VPS33A: variants seen among roughly 807,000 people sequenced by gnomAD.
VPS33A encodes VPS33A core subunit of CORVET and HOPS complexes.
A neutral mutation model predicts 71.8 loss-of-function variants in VPS33A; 32 were observed. That is an observed-to-expected ratio of 0.45 (90% CI 0.34 to 0.60). The LOEUF (loss-of-function observed/expected upper bound fraction) is 0.60, where lower values mean the gene tolerates loss of function less well. Among genes scored for constraint, VPS33A ranks in the 20% least tolerant of loss-of-function variants. VPS33A has a pLI of 0.02. For synonymous variants in VPS33A, 311 were observed against 292.7 expected (o/e 1.06, Z -0.64); for missense variants, 625 against 748.5 (o/e 0.84, Z 1.92).
intron 11 of VPS33A, 33 bp from the exon 12 acceptor site, chr12:122,233,001 G>C: frequency 1.3e-6 from 2 of 1,547,398 alleles, no homozygotes. Context: ...AAACCCTATA[G>C]ATACAGAGAC....
Position 122,265,179 on chromosome 12 carries a change from A to C in VPS33A, c.103-980T>G, listed in dbSNP as rs1228023258. Among the ~76,000 whole-genome samples the C allele has an allele frequency of 5.3e-5, 8 of 152,130 alleles. No homozygotes were observed. The East Asian group carries it at 1.6e-3, about 29-fold the overall frequency. On this transcript the variant is annotated intron_variant, in intron 1 of 12. Transcript: ENST00000267199. The stretch of plus-strand genomic sequence containing the variant: ...AGCGAGCTGCCTGCCGTGGCCTCCC[A>C]AAGTACTGGGATTACACCGCACTTC...
rs1592921665 is a variant in VPS33A, at chr12:122,249,652, C to T, written c.775+219G>A. 8 of 377,922 alleles carry T rather than the reference C, an allele frequency of 2.1e-5. No homozygotes were observed. In the East Asian group the frequency reaches 3.2e-4, roughly 15 times the overall value. 23.4% of individuals were successfully genotyped at this position (377,922 alleles called of 1,614,324 possible). A position where few individuals can be genotyped will look rare whatever the true frequency, so the allele number is the denominator to read the frequency against. On this transcript the variant is annotated intron_variant, in intron 6 of 12. Coordinates refer to ENST00000267199, the MANE Select transcript of VPS33A (RefSeq NM_022916.6). ...TTTTTTGGAATGATTCCTCAAGGCA[C>T]ATTCTTAGGCTTTGGGTTTTCTTTG...
chr12:122,250,397 T>C (rs2136138179), intron 5 of VPS33A, among the ~76,000 whole-genome samples: 1 of 152,324 alleles, frequency 6.6e-6, no homozygotes, highest in Admixed American at 6.5e-5. Flanking sequence ...GGTCTCAACG[T>C]TTCTGTCAAT....
intron 10 of VPS33A, among the ~76,000 whole-genome samples, chr12:122,238,202 AT>A (rs879490216): frequency 2.0e-5 from 3 of 151,836 alleles, no homozygotes; most frequent in Admixed American, 6.6e-5. Context: ...TGTAATTTTT[AT>A]TTTTTTTAAT....
At chr12:122,243,261 T>G (rs2136130989) in intron 7 of VPS33A, among the ~76,000 whole-genome samples, 1 of 152,326 alleles carries the variant, frequency 6.6e-6, no homozygotes, top group South Asian at 2.1e-4. Context: ...GTCTTTTATT[T>G]GATGTTGAGA....
rs182515291 is a variant in VPS33A at position 122,239,300 on chromosome 12, T to A, written c.1165-576A>T. 1.2e-3 allele frequency among the ~76,000 whole-genome samples: 176 copies of A among 152,366 alleles called. 2 individuals are homozygous for A. The highest frequency in any genetic ancestry group is 3.8e-3 in the African/African-American group (160 of 41,590). Reference sequence around the variant, plus strand: ...CTCTTTCAAAAGAGCAAATACCTTATCTAATACAGTCTTAAAAAGATTTGA... The same window carrying A: ...CTCTTTCAAAAGAGCAAATACCTTAACTAATACAGTCTTAAAAAGATTTGA... On this transcript the variant is annotated intron_variant, in intron 9 of 12. Transcript: ENST00000267199.
At position 122,232,457 on chromosome 12, in the gene VPS33A, CTATT is replaced by C. The variant is rs776154947; in HGVS notation, c.1610-34_1610-31del. 9 of 1,583,348 alleles carry C rather than the reference CTATT, an allele frequency of 5.7e-6. No homozygotes were observed. In the Admixed American group the frequency reaches 1.1e-4, roughly 19 times the overall value. ...AATTTAAACATTTCAGAATTAAAAA[CTATT>C]TATTATTAATGCTTCTCTTCCCACC... On this transcript the variant is annotated intron_variant, in intron 12 of 12. Transcript: ENST00000267199.
At chr12:122,244,534 TAG>T in intron 7 of VPS33A, 33 bp downstream of exon 7, 4 of 1,558,816 alleles carry the variant, frequency 2.6e-6, no homozygotes, top group Non-Finnish European at 3.5e-6. Flanking sequence ...ACCTGAGGCC[TAG>T]AGTTGCAGAA....
chr12:122,238,458 G>A (rs1028128987), intron 10 of VPS33A, 129 bp downstream of exon 10: 2 of 1,150,810 alleles, frequency 1.7e-6, no homozygotes, highest in Admixed American at 6.1e-5. Flanking sequence ...CTAACCTCAA[G>A]TGATCCACCT....
intron 6 of VPS33A, chr12:122,248,643 C>T (rs2136136589): frequency 6.6e-6 from 1 of 152,400 alleles, no homozygotes. Flanking sequence ...CAGCCATGCA[C>T]TCCACTCAAC....
intron 6 of VPS33A, among the ~76,000 whole-genome samples, chr12:122,246,228 C>A (rs1391925200): frequency 6.6e-6 from 1 of 152,196 alleles, no homozygotes; most frequent in African/African-American, 2.4e-5. Flanking sequence ...GGCACAGTGG[C>A]TCACGCCTGT....
chr12:122,244,618 A>G lies in VPS33A; in HGVS notation c.920T>C (p.Val307Ala), dbSNP rs553698385. The change falls in exon 7 of 13, where the codon GTT becomes GCT. Residue 307 changes from valine (V) to alanine (A), a missense_variant. Val to Ala is a moderately conservative substitution (Grantham distance 64). Transcript: ENST00000267199. ...AEIRDKNFNA[V>A]GSVLSKKAKI... ...TGCTTTCTTGCTGAGCACAGAGCCA[A>G]CTGCGTTGAAGTTCTTATCTCGGAT... 6.2e-6 allele frequency: 10 copies of G among 1,613,890 alleles called. No homozygotes were observed. The highest frequency in any genetic ancestry group is 2.7e-5 in the African/African-American group (2 of 75,036).
intron 4 of VPS33A, among the ~76,000 whole-genome samples, chr12:122,259,455 G>A (rs938141205): frequency 6.6e-6 from 1 of 152,088 alleles, no homozygotes; most frequent in East Asian, 1.9e-4. Context: ...CCAACCTCAA[G>A]TGATCCATCC....
intron 1 of VPS33A, among the ~76,000 whole-genome samples, 185 bp from the exon 2 acceptor site, chr12:122,264,384 G>C (rs1377522432): frequency 6.6e-6 from 1 of 152,002 alleles, no homozygotes; most frequent in Admixed American, 6.6e-5. Context: ...AAAATTTTTT[G>C]GGGTTTTGCT....
At position 122,232,087 on chromosome 12, in the gene VPS33A, G is replaced by T; in HGVS notation, c.*159C>A. On this transcript the variant is annotated 3_prime_UTR_variant, in exon 13 of 13. Transcript: ENST00000267199. ...AAAAAAAAAAAGGGAATACAAAAGA[G>T]ACGGAGAAAGCAGTAAACAGTAGTA... is the stretch of plus-strand genomic sequence containing the variant. 1 of 655,704 alleles carries T rather than the reference G, an allele frequency of 1.5e-6. No homozygotes were observed. The highest frequency in any genetic ancestry group is 2.4e-6 in the Non-Finnish European group (1 of 413,734). 40.6% of individuals were successfully genotyped at this position (655,704 alleles called of 1,614,324 possible). A position where few individuals can be genotyped will look rare whatever the true frequency, so the allele number is the denominator to read the frequency against.
At chr12:122,238,810 A>C in intron 9 of VPS33A, 86 bp from the exon 10 acceptor site, 1 of 1,104,776 alleles carries the variant, frequency 9.1e-7, no homozygotes, top group Non-Finnish European at 1.3e-6. Flanking sequence ...CACACACAAT[A>C]CATGGTTTAG....
At chr12:122,244,292 G>A (rs1954749596) in intron 7 of VPS33A, among the ~76,000 whole-genome samples, 1 of 152,164 alleles carries the variant, frequency 6.6e-6, no homozygotes, top group Admixed American at 6.5e-5. Flanking sequence ...AATTTAAGAC[G>A]ATAAAGCAAA....
At chr12:122,235,998 C>T in intron 10 of VPS33A, 75 bp from the exon 11 acceptor site, 1 of 1,531,528 alleles carries the variant, frequency 6.5e-7, no homozygotes, top group South Asian at 1.3e-5. Context: ...AGGGCACTTC[C>T]AACAAATCAA....
chr12:122,249,591 G>T (rs529949538), intron 6 of VPS33A: 2 of 238,974 alleles, frequency 8.4e-6, no homozygotes, highest in African/African-American at 2.2e-5. Context: ...TAAGAAAATG[G>T]AAATCGAAAT....
Sources: gnomAD v4.1 joint callset for allele counts (sites outside exome capture counted in the v4.1 genomes callset) on GRCh38, gnomAD v4.1.1 for gene constraint, MANE v1.5 for transcripts, NCBI Gene and HGNC (gene_info 2026-07-23, HGNC 2026-07-21) for gene names.